GRID2: variants seen among roughly 807,000 people sequenced by gnomAD.
GRID2 encodes the protein glutamate receptor ionotropic, delta-2.
A neutral mutation model predicts 114.8 loss-of-function variants in GRID2; 33 were observed. The ratio of observed to expected loss-of-function variants is 0.29; its 90% CI spans 0.22 to 0.38. GRID2 has a LOEUF of 0.38. Ranked by LOEUF, GRID2 falls within the 10% of genes least tolerant of loss-of-function variation. The probability of loss-of-function intolerance (pLI) is 1.00; values close to 1 mark genes in which losing one functional copy is unlikely to be tolerated. For synonymous variants in GRID2, 505 were observed against 449.9 expected, an observed-to-expected ratio of 1.12 and a Z score of -1.55; for missense variants, 1,184 against 1,257.7, an observed-to-expected ratio of 0.94 and a Z score of 0.89.
chr4:93,710,864 T>G (rs1728422597), intron 14 of GRID2, among the ~76,000 whole-genome samples: 1 of 152,118 alleles, frequency 6.6e-6, no homozygotes, highest in Non-Finnish European at 1.5e-5. Flanking sequence ...TGGCCACCAC[T>G]GCCCCAGGCC....
intron 14 of GRID2, among the ~76,000 whole-genome samples, chr4:93,696,376 A>G (rs946507213): frequency 1.3e-5 from 2 of 152,182 alleles, no homozygotes; most frequent in Admixed American, 1.3e-4. Flanking sequence ...TTTAAAACTT[A>G]TCTCTGCAAA....
At chr4:93,419,154 T>A (rs1768018660) in intron 9 of GRID2, among the ~76,000 whole-genome samples, 1 of 151,024 alleles carries the variant, frequency 6.6e-6, no homozygotes, top group African/African-American at 2.4e-5. Context: ...TGTGTGTTGC[T>A]TTTTCTTTCT....
chr4:93,045,432 T>G lies in GRID2; in HGVS notation c.245-39563T>G, dbSNP rs531211781. 1.4e-3 allele frequency among the ~76,000 whole-genome samples: 220 copies of G among 152,266 alleles called. 1 individual carries two copies. The highest frequency in any genetic ancestry group is 5.2e-3 in the African/African-American group (217 of 41,578). On this transcript the variant is annotated intron_variant, in intron 2 of 15. Coordinates refer to ENST00000282020, the MANE Select transcript of GRID2 (RefSeq NM_001510.4). ...TCTATATATGTATCTATGTATGTAT[T>G]AATTTATTTTTGAGACCAAAATAAC...
intron 1 of GRID2, among the ~76,000 whole-genome samples, chr4:92,346,139 C>G (rs1484598228): frequency 6.6e-6 from 1 of 152,120 alleles, no homozygotes; most frequent in Non-Finnish European, 1.5e-5. Flanking sequence ...GGTTTTCATC[C>G]CTAAGTGACA....
At chr4:93,356,961 G>T (rs1194946265) in intron 8 of GRID2, among the ~76,000 whole-genome samples, 1 of 151,550 alleles carries the variant, frequency 6.6e-6, no homozygotes, top group Non-Finnish European at 1.5e-5. Flanking sequence ...TGTCTCTAAG[G>T]TACTAAGGTT....
At chr4:92,599,854 G>A (rs944925637) in intron 2 of GRID2, among the ~76,000 whole-genome samples, 3 of 151,514 alleles carry the variant, frequency 2.0e-5, no homozygotes, top group South Asian at 4.2e-4. Flanking sequence ...GTGAAACCCC[G>A]TCTCTACCTA....
At chr4:93,154,342 T>C (rs1386978654) in intron 4 of GRID2, among the ~76,000 whole-genome samples, 1 of 151,824 alleles carries the variant, frequency 6.6e-6, no homozygotes, top group Admixed American at 6.6e-5. Flanking sequence ...GATTTTGTGA[T>C]CATAGTTCCT....
chr4:92,445,461 G>A (rs1239677302), intron 1 of GRID2, among the ~76,000 whole-genome samples: 4 of 152,162 alleles, frequency 2.6e-5, no homozygotes, highest in Admixed American at 6.5e-5. Context: ...AGATATTGAA[G>A]GAGATTTTAT....
At chr4:93,267,527 G>A (rs1750988860) in intron 8 of GRID2, among the ~76,000 whole-genome samples, 1 of 152,154 alleles carries the variant, frequency 6.6e-6, no homozygotes, top group East Asian at 1.9e-4. Flanking sequence ...AACCTGGCAG[G>A]GCTTTCTCCC....
intron 2 of GRID2, among the ~76,000 whole-genome samples, chr4:92,737,809 C>T (rs532241277): frequency 6.6e-5 from 10 of 152,114 alleles, no homozygotes; most frequent in African/African-American, 2.4e-4. Context: ...TCATTTAATG[C>T]ATTTCAATAT....
At chr4:93,378,247 A>T (rs1330786881) in intron 8 of GRID2, among the ~76,000 whole-genome samples, 1 of 152,140 alleles carries the variant, frequency 6.6e-6, no homozygotes, top group Non-Finnish European at 1.5e-5. Context: ...TAATTCTTAA[A>T]CTTAAATTTA....
intron 2 of GRID2, among the ~76,000 whole-genome samples, chr4:92,875,252 T>C (rs1203559827): frequency 7.3e-6 from 1 of 137,846 alleles, no homozygotes; most frequent in Non-Finnish European, 1.5e-5. Context: ...AACCTCTGCC[T>C]CCCGGGTACA....
intron 8 of GRID2, among the ~76,000 whole-genome samples, chr4:93,380,098 A>T (rs1036268789): frequency 3.3e-5 from 5 of 152,138 alleles, no homozygotes; most frequent in Non-Finnish European, 7.4e-5. Flanking sequence ...TAGGGAAAAG[A>T]TATCTTTGCA....
intron 2 of GRID2, among the ~76,000 whole-genome samples, chr4:92,941,549 T>G (rs1284523522): frequency 6.6e-6 from 1 of 152,206 alleles, no homozygotes; most frequent in Admixed American, 6.5e-5. Context: ...TTTGAAGGGT[T>G]ATTTGTGTCT....
chr4:93,729,791 C>A lies in GRID2; in HGVS notation c.2361-39419C>A, dbSNP rs189567531. On this transcript the variant is annotated intron_variant, in intron 14 of 15. Coordinates refer to ENST00000282020, the MANE Select transcript of GRID2 (RefSeq NM_001510.4). ...CACAGAGAATCATTTTCTGAAACAC[C>A]AAAGCTAAGTTAGGAGCTTCTTTTG... Among the ~76,000 whole-genome samples the A allele has an allele frequency of 3.9e-4, 59 of 152,206 alleles. 1 individual carries two copies. The highest frequency in any genetic ancestry group is 3.9e-3 in the Admixed American group (59 of 15,284).
intron 1 of GRID2, among the ~76,000 whole-genome samples, chr4:92,551,253 C>CGTGTGT (rs1726569267): frequency 2.5e-5 from 3 of 119,318 alleles, no homozygotes; most frequent in Non-Finnish European, 3.7e-5. Context: ...TACATCTACA[C>CGTGTGT]CTGTGTGTGT....
chr4:92,842,588 C>T (rs1742988010), intron 2 of GRID2, among the ~76,000 whole-genome samples: 1 of 152,108 alleles, frequency 6.6e-6, no homozygotes, highest in South Asian at 2.1e-4. Flanking sequence ...TCAAAGTGTA[C>T]ATCTCCTTTT....
At chr4:92,523,369 C>T (rs1319335766) in intron 1 of GRID2, among the ~76,000 whole-genome samples, 2 of 151,832 alleles carry the variant, frequency 1.3e-5, no homozygotes, top group African/African-American at 4.8e-5. Context: ...GAGTAAAATT[C>T]TGGGGACAGG....
chr4:93,568,892 C>A (rs1735680142), intron 13 of GRID2, among the ~76,000 whole-genome samples: 1 of 152,142 alleles, frequency 6.6e-6, no homozygotes, highest in Admixed American at 6.6e-5. Context: ...GCCAAACCCC[C>A]TGAGACACCT....
Sources: gnomAD v4.1 joint callset for allele counts (sites outside exome capture counted in the v4.1 genomes callset) on GRCh38, gnomAD v4.1.1 for gene constraint, MANE v1.5 for transcripts, NCBI Gene and HGNC (gene_info 2026-07-23, HGNC 2026-07-21) for gene names.